CDH13: variants seen among roughly 807,000 people sequenced by gnomAD.
CDH13 encodes cadherin-13.
CDH13 carries 24 observed loss-of-function variants against 63.8 expected under a neutral mutation model. That is an observed-to-expected ratio of 0.38 (90% CI 0.27 to 0.53). The LOEUF (loss-of-function observed/expected upper bound fraction) is 0.53. Among genes scored for constraint, CDH13 ranks in the 20% least tolerant of loss-of-function variants. The pLI is 0.85. For missense variants in CDH13, 1,049 were observed against 903.1 expected, an observed-to-expected ratio of 1.16 and a Z score of -2.07; for synonymous variants, 503 against 355.3, an observed-to-expected ratio of 1.42 and a Z score of -4.67.
At chr16:83,614,399 C>T (rs1227111417) in intron 8 of CDH13, among the ~76,000 whole-genome samples, 1 of 152,206 alleles carries the variant, frequency 6.6e-6, no homozygotes, top group Non-Finnish European at 1.5e-5. Context: ...TTCTCAGTCC[C>T]TTGTCTCTGC....
chr16:82,997,785 C>G (rs1452026586), intron 2 of CDH13, among the ~76,000 whole-genome samples: 1 of 152,086 alleles, frequency 6.6e-6, no homozygotes, highest in Non-Finnish European at 1.5e-5. Flanking sequence ...GTTTCTGTCA[C>G]AACATTAAAT....
In CDH13 at chr16:83,032,147, C is replaced by A. The variant is rs201332621; in HGVS notation, c.295C>A (p.Arg99=). 1 of 1,613,644 alleles carries A rather than the reference C, an allele frequency of 6.2e-7. No individual in the cohort carries two copies. The highest frequency in any genetic ancestry group is 8.5e-7 in the Non-Finnish European group (1 of 1,179,766). ...AVGKTLFVHA[R]TPHAEDMAEL... ...GGGCAAAACTCTGTTCGTCCATGCACGGACCCCCCATGCGGAAGATATGGC... is the reference window on the plus strand; with the variant it reads ...GGGCAAAACTCTGTTCGTCCATGCAAGGACCCCCCATGCGGAAGATATGGC... The change falls in exon 3 of 14, where the codon CGG becomes AGG. Residue 99 remains arginine (R), a synonymous_variant. Transcript: ENST00000567109.
At chr16:83,352,183 G>A (rs74034175) in intron 6 of CDH13, among the ~76,000 whole-genome samples, 1,571 of 150,272 alleles carry the variant, frequency 0.01, 14 homozygotes, top group African/African-American at 0.036. Context: ...TTTTATGGTC[G>A]CCTAAAATGT....
chr16:83,684,515 G>A (rs942935468), intron 10 of CDH13, among the ~76,000 whole-genome samples: 1 of 152,220 alleles, frequency 6.6e-6, no homozygotes, highest in Non-Finnish European at 1.5e-5. Context: ...GAGGCAGCCG[G>A]CAGCTAAATC....
At chr16:83,776,620 C>G (rs2151003930) in intron 11 of CDH13, among the ~76,000 whole-genome samples, 1 of 152,298 alleles carries the variant, frequency 6.6e-6, no homozygotes, top group East Asian at 1.9e-4. Flanking sequence ...ACTCACTGCT[C>G]AGCTTCCTTT....
At chr16:83,031,403 T>TATATGTATATACATATACAC (rs1567761999) in intron 2 of CDH13, among the ~76,000 whole-genome samples, 2 of 146,186 alleles carry the variant, frequency 1.4e-5, no homozygotes, top group African/African-American at 5.3e-5. Flanking sequence ...TACATATACA[T>TATATGTATATACATATACAC]GTATATGTAT....
At chr16:83,255,753 G>A (rs1906182327) in intron 5 of CDH13, among the ~76,000 whole-genome samples, 2 of 152,258 alleles carry the variant, frequency 1.3e-5, no homozygotes, top group South Asian at 4.2e-4. Flanking sequence ...ATAGGACTGG[G>A]TTCACATCCC....
chr16:82,753,537 C>T (rs1053863250), intron 1 of CDH13, among the ~76,000 whole-genome samples: 11 of 152,168 alleles, frequency 7.2e-5, no homozygotes, highest in Non-Finnish European at 1.6e-4. Flanking sequence ...CCATGCATGG[C>T]CCACCATCAC....
chr16:83,252,021 T>A (rs1476919115), intron 5 of CDH13, among the ~76,000 whole-genome samples: 2 of 151,362 alleles, frequency 1.3e-5, no homozygotes, highest in Non-Finnish European at 2.9e-5. Context: ...ATTGGATTTT[T>A]AAGCTCCGAG....
intron 6 of CDH13, among the ~76,000 whole-genome samples, chr16:83,450,206 G>A (rs1044790723): frequency 2.0e-5 from 3 of 152,218 alleles, no homozygotes; most frequent in Non-Finnish European, 4.4e-5. Context: ...GTTGCATGAT[G>A]CCCACAAACC....
intron 1 of CDH13, among the ~76,000 whole-genome samples, chr16:82,805,987 G>A (rs1056940212): frequency 2.6e-5 from 4 of 152,104 alleles, no homozygotes; most frequent in Non-Finnish European, 5.9e-5. Context: ...AATCCCCTAG[G>A]TTTCTATCTA....
intron 5 of CDH13, among the ~76,000 whole-genome samples, chr16:83,242,100 T>G (rs1904514982): frequency 6.6e-6 from 1 of 152,222 alleles, no homozygotes; most frequent in Non-Finnish European, 1.5e-5. Context: ...TTTCCCATTG[T>G]GTAGTCCTGG....
rs552196718 is a variant in CDH13, at chr16:83,153,462, A to G, written c.483+27961A>G. On this transcript the variant is annotated intron_variant, in intron 4 of 13. Coordinates refer to ENST00000567109, the MANE Select transcript of CDH13 (RefSeq NM_001257.5). Reference sequence around the variant, plus strand: ...AACCATAATTTCTAATCTTGTGGCTAATGTTAGTAGTCTAATCCCCAGGCA... The same window carrying G: ...AACCATAATTTCTAATCTTGTGGCTGATGTTAGTAGTCTAATCCCCAGGCA... 3.3e-5 allele frequency among the ~76,000 whole-genome samples: 5 copies of G among 152,292 alleles called. No individual in the cohort carries two copies. The South Asian group carries it at 1.0e-3, about 32-fold the overall frequency.
At chr16:83,567,006 C>T (rs145921242) in intron 7 of CDH13, among the ~76,000 whole-genome samples, 117 of 152,334 alleles carry the variant, frequency 7.7e-4, no homozygotes, top group Non-Finnish European at 1.4e-3. Flanking sequence ...CTGCCATTCC[C>T]TGTGTGTCAT....
At chr16:82,831,780 G>T (rs1244325201) in intron 1 of CDH13, among the ~76,000 whole-genome samples, 2 of 152,146 alleles carry the variant, frequency 1.3e-5, no homozygotes, top group Middle Eastern at 3.2e-3. Context: ...CTCACCTTTT[G>T]TTCAAATGAC....
At chr16:83,649,727 G>A (rs1266354396) in intron 8 of CDH13, among the ~76,000 whole-genome samples, 5 of 152,124 alleles carry the variant, frequency 3.3e-5, no homozygotes, top group Non-Finnish European at 5.9e-5. Flanking sequence ...TGCTGAACAC[G>A]GAGGGCACCT....
intron 8 of CDH13, among the ~76,000 whole-genome samples, chr16:83,649,278 C>T (rs1567480757): frequency 1.3e-5 from 2 of 152,232 alleles, no homozygotes; most frequent in South Asian, 2.1e-4. Flanking sequence ...ACTGTAATTA[C>T]ATCTCAACAG....
chr16:82,828,697 TATAC>T (rs914495028), intron 1 of CDH13, among the ~76,000 whole-genome samples: 2 of 151,894 alleles, frequency 1.3e-5, no homozygotes, highest in African/African-American at 4.8e-5. Context: ...AACATATATA[TATAC>T]ATATATACAC....
At chr16:83,246,694 T>G (rs1905028924) in intron 5 of CDH13, among the ~76,000 whole-genome samples, 1 of 152,172 alleles carries the variant, frequency 6.6e-6, no homozygotes, top group Non-Finnish European at 1.5e-5. Context: ...ACCTCTGCCT[T>G]TGAGGCCCCT....
Sources: allele counts gnomAD v4.1 joint callset (sites outside exome capture counted in the v4.1 genomes callset), GRCh38; gene constraint gnomAD v4.1.1; transcripts MANE v1.5; gene names NCBI Gene and HGNC (gene_info 2026-07-23, HGNC 2026-07-21).